PEX5L: variants seen among roughly 807,000 people sequenced by gnomAD.
PEX5L encodes the protein PEX5-related protein.
A neutral mutation model predicts 84.0 loss-of-function variants in PEX5L; 30 were observed. The ratio of observed to expected loss-of-function variants is 0.36; its 90% CI spans 0.27 to 0.48. PEX5L has a LOEUF of 0.48. PEX5L is among the 20% of genes least tolerant of loss of function. PEX5L has a pLI of 0.99. For missense variants in PEX5L, 533 were observed against 754.6 expected, an observed-to-expected ratio of 0.71 and a Z score of 3.44; for synonymous variants, 270 against 283.1, an observed-to-expected ratio of 0.95 and a Z score of 0.46.
intron 2 of PEX5L, among the ~76,000 whole-genome samples, chr3:179,917,288 G>T (rs780148498): frequency 1.3e-5 from 2 of 151,536 alleles, no homozygotes; most frequent in Admixed American, 6.6e-5. Context: ...TGTCTTCTTC[G>T]GGAATCCTTC....
chr3:179,837,544 C>T (rs866821827), intron 8 of PEX5L, among the ~76,000 whole-genome samples: 4 of 152,184 alleles, frequency 2.6e-5, no homozygotes, highest in African/African-American at 7.2e-5. Flanking sequence ...CTTTATGCAG[C>T]CTAAGAGATC....
chr3:179,921,207 A>G (rs1769263290), intron 2 of PEX5L, among the ~76,000 whole-genome samples: 1 of 152,118 alleles, frequency 6.6e-6, no homozygotes, highest in African/African-American at 2.4e-5. Flanking sequence ...TTAGGACTCT[A>G]GTCCTAAAAA....
chr3:179,999,981 G>A (rs948475322), intron 1 of PEX5L, among the ~76,000 whole-genome samples: 7 of 152,142 alleles, frequency 4.6e-5, no homozygotes, highest in Admixed American at 6.5e-5. Flanking sequence ...CTGAATCAGC[G>A]TCCAATATAT....
At chr3:179,966,720 T>C (rs149944808) in intron 2 of PEX5L, among the ~76,000 whole-genome samples, 2 of 152,328 alleles carry the variant, frequency 1.3e-5, no homozygotes, top group East Asian at 3.9e-4. Flanking sequence ...TATGAGCTAT[T>C]GGAGACACAA....
chr3:179,814,644 T>C (rs1272166666), intron 10 of PEX5L, among the ~76,000 whole-genome samples: 1 of 152,218 alleles, frequency 6.6e-6, no homozygotes, highest in East Asian at 1.9e-4. Context: ...TATCTTATGA[T>C]AGGCCTTCAC....
intron 3 of PEX5L, among the ~76,000 whole-genome samples, chr3:179,895,436 C>T (rs1758939542): frequency 6.6e-6 from 1 of 152,090 alleles, no homozygotes; most frequent in South Asian, 2.1e-4. Context: ...TTCATCAACA[C>T]ATGCTTTTTT....
At chr3:179,979,250 A>G (rs576118348) in intron 1 of PEX5L, among the ~76,000 whole-genome samples, 2 of 150,410 alleles carry the variant, frequency 1.3e-5, no homozygotes, top group Admixed American at 1.3e-4. Flanking sequence ...TTCAAATTTT[A>G]AAAAAAAAAC....
chr3:179,877,656 C>A (rs959700119), intron 5 of PEX5L, among the ~76,000 whole-genome samples: 8 of 151,780 alleles, frequency 5.3e-5, no homozygotes, highest in African/African-American at 1.9e-4. Context: ...TGGGATCTCA[C>A]TATGTTGTCC....
At chr3:179,813,510 T>C (rs935785974) in intron 10 of PEX5L, among the ~76,000 whole-genome samples, 2 of 152,200 alleles carry the variant, frequency 1.3e-5, no homozygotes, top group African/African-American at 2.4e-5. Context: ...TCATTTTATT[T>C]ATTTTTGAGA....
intron 4 of PEX5L, among the ~76,000 whole-genome samples, chr3:179,883,639 C>A (rs957624176): frequency 6.6e-6 from 1 of 152,024 alleles, no homozygotes. Flanking sequence ...CAAAATTAGC[C>A]GGGCGTGGTG....
chr3:179,816,767 G>T (rs1313168951), intron 9 of PEX5L, among the ~76,000 whole-genome samples: 1 of 151,300 alleles, frequency 6.6e-6, no homozygotes, highest in Admixed American at 6.6e-5. Context: ...TATTTATTTT[G>T]ATTAATTATT....
chr3:179,847,472 T>C (rs952842004), intron 8 of PEX5L, among the ~76,000 whole-genome samples: 1 of 152,138 alleles, frequency 6.6e-6, no homozygotes, highest in Non-Finnish European at 1.5e-5. Context: ...TATTTAGTTA[T>C]TAAACAGCTA....
chr3:179,813,898 G>C (rs1335537918), intron 10 of PEX5L, among the ~76,000 whole-genome samples: 5 of 150,260 alleles, frequency 3.3e-5, no homozygotes, highest in Admixed American at 3.3e-4. Flanking sequence ...GGATGGTCTC[G>C]ATCTCCTGAC....
intron 4 of PEX5L, among the ~76,000 whole-genome samples, chr3:179,886,936 T>A (rs1022257454): frequency 6.6e-6 from 1 of 152,234 alleles, no homozygotes; most frequent in Non-Finnish European, 1.5e-5. Flanking sequence ...CTGAACATCA[T>A]TTTTTCATTC....
chr3:179,939,114 T>C (rs749170176), intron 2 of PEX5L, among the ~76,000 whole-genome samples: 1 of 152,222 alleles, frequency 6.6e-6, no homozygotes, highest in Non-Finnish European at 1.5e-5. Context: ...TCACTGCACC[T>C]AAAAATTACA....
chr3:179,911,187 G>C (rs1339414235), intron 2 of PEX5L, among the ~76,000 whole-genome samples: 1 of 152,160 alleles, frequency 6.6e-6, no homozygotes, highest in Non-Finnish European at 1.5e-5. Flanking sequence ...AACAGAAGGG[G>C]AAGAAAACAG....
chr3:179,908,151 C>T (rs1026077638), intron 2 of PEX5L, among the ~76,000 whole-genome samples: 1 of 152,194 alleles, frequency 6.6e-6, no homozygotes, highest in Non-Finnish European at 1.5e-5. Flanking sequence ...TCATTGGCAA[C>T]GTGTGGGTTG....
intron 9 of PEX5L, 58 bp from the exon 10 acceptor site, chr3:179,816,062 T>A: frequency 6.5e-7 from 1 of 1,531,792 alleles, no homozygotes; most frequent in Non-Finnish European, 9.0e-7. Flanking sequence ...CATTCTCACA[T>A]TCAATAAGTT....
At chr3:179,887,401 G>A (rs1406308156) in intron 4 of PEX5L, among the ~76,000 whole-genome samples, 1 of 152,186 alleles carries the variant, frequency 6.6e-6, no homozygotes, top group Non-Finnish European at 1.5e-5. Context: ...CTAATGTGAT[G>A]AGACTTTAGA....
Sources: allele counts gnomAD v4.1 joint callset (sites outside exome capture counted in the v4.1 genomes callset), GRCh38; gene constraint gnomAD v4.1.1; transcripts MANE v1.5; gene names NCBI Gene and HGNC (gene_info 2026-07-23, HGNC 2026-07-21).